Variants in RPS6KC1 observed in about 807,000 individuals in gnomAD.
RPS6KC1 encodes the protein ribosomal protein S6 kinase C1.
Under a neutral mutation model 103.8 loss-of-function variants are expected in RPS6KC1, and 54 were observed. The ratio of observed to expected loss-of-function variants is 0.52; its 90% CI spans 0.42 to 0.65. The LOEUF (loss-of-function observed/expected upper bound fraction) is 0.65, where lower values mean the gene tolerates loss of function less well. RPS6KC1 is among the 30% of genes least tolerant of loss of function. The pLI is 0.00. For missense variants in RPS6KC1, 1,151 were observed against 1,253.8 expected (o/e 0.92, Z 1.24); for synonymous variants, 439 against 438.7 (o/e 1.00, Z -0.01).
chr1:213,494,163 T>G, the RPS6KC1 span, among the ~76,000 whole-genome samples: 3 of 152,194 alleles, frequency 2.0e-5, no homozygotes, highest in South Asian at 4.2e-4. Context: ...GGGACTAGGT[T>G]GTCACACACT....
intron 3 of RPS6KC1, among the ~76,000 whole-genome samples, chr1:213,087,799 C>A (rs1427602206): frequency 6.6e-6 from 1 of 152,122 alleles, no homozygotes; most frequent in African/African-American, 2.4e-5. Context: ...TTCTGTGTAC[C>A]CGGAATTTGT....
At chr1:213,454,980 G>A in the RPS6KC1 span, among the ~76,000 whole-genome samples, 1 of 152,160 alleles carries the variant, frequency 6.6e-6, no homozygotes, top group Non-Finnish European at 1.5e-5. Context: ...GCAGTGCCTC[G>A]GAGTGCTTTT....
At chr1:213,162,354 C>T (rs1210123637) in intron 6 of RPS6KC1, among the ~76,000 whole-genome samples, 1 of 152,140 alleles carries the variant, frequency 6.6e-6, no homozygotes, top group African/African-American at 2.4e-5. Context: ...CATCACAGCT[C>T]ATTGCAGCCT....
intron 5 of RPS6KC1, among the ~76,000 whole-genome samples, chr1:213,122,697 T>G (rs1028935988): frequency 6.6e-5 from 10 of 152,164 alleles, no homozygotes; most frequent in Non-Finnish European, 4.4e-5. Flanking sequence ...TACTGGTATT[T>G]TTCTAGGCCC....
the RPS6KC1 span, among the ~76,000 whole-genome samples, chr1:213,494,910 C>A: frequency 6.7e-6 from 1 of 150,324 alleles, no homozygotes; most frequent in Non-Finnish European, 1.5e-5. Flanking sequence ...ATTTTAAAAT[C>A]CTTTAAAAAT....
the RPS6KC1 span, among the ~76,000 whole-genome samples, chr1:213,442,833 G>C: frequency 6.6e-6 from 1 of 152,108 alleles, no homozygotes; most frequent in African/African-American, 2.4e-5. Context: ...CTTGTCCCAT[G>C]GCCACATGTA....
At chr1:213,722,259 T>C in the RPS6KC1 span, among the ~76,000 whole-genome samples, 2 of 152,150 alleles carry the variant, frequency 1.3e-5, no homozygotes, top group Non-Finnish European at 2.9e-5. Context: ...ACTGGTCTTG[T>C]CATGTCTCAA....
chr1:213,604,231 C>T, the RPS6KC1 span, among the ~76,000 whole-genome samples: 1 of 152,334 alleles, frequency 6.6e-6, no homozygotes, highest in Admixed American at 6.5e-5. Context: ...CTACACCAAA[C>T]AGGAATTTCA....
the RPS6KC1 span, among the ~76,000 whole-genome samples, chr1:213,382,855 G>C: frequency 6.6e-6 from 1 of 152,240 alleles, no homozygotes; most frequent in Non-Finnish European, 1.5e-5. Context: ...CTAGCATGGG[G>C]CTTTGCCCCT....
At chr1:213,293,631 C>T in the RPS6KC1 span, among the ~76,000 whole-genome samples, 1 of 151,976 alleles carries the variant, frequency 6.6e-6, no homozygotes, top group Admixed American at 6.6e-5. Context: ...ATGACTGCAC[C>T]ACTGCATTCC....
the RPS6KC1 span, among the ~76,000 whole-genome samples, chr1:213,507,046 A>G: frequency 6.6e-6 from 1 of 152,146 alleles, no homozygotes; most frequent in African/African-American, 2.4e-5. Flanking sequence ...GACCAATGTG[A>G]ATGATTCTGT....
chr1:213,426,575 G>A, the RPS6KC1 span, among the ~76,000 whole-genome samples: 8 of 152,114 alleles, frequency 5.3e-5, no homozygotes, highest in Non-Finnish European at 7.4e-5. Context: ...CATATGGTTC[G>A]GCTACTAATG....
chr1:213,109,424 A>G (rs563149669), intron 4 of RPS6KC1, among the ~76,000 whole-genome samples: 2 of 152,308 alleles, frequency 1.3e-5, no homozygotes, highest in South Asian at 2.1e-4. Flanking sequence ...GGCATGAGCA[A>G]CCGTGCCCGG....
At chr1:213,375,244 CAT>C in the RPS6KC1 span, among the ~76,000 whole-genome samples, 99 of 152,142 alleles carry the variant, frequency 6.5e-4, no homozygotes, top group African/African-American at 2.3e-3. Flanking sequence ...CACATACACA[CAT>C]ATATACACAC....
At chr1:213,494,207 G>A in the RPS6KC1 span, among the ~76,000 whole-genome samples, 1 of 152,080 alleles carries the variant, frequency 6.6e-6, no homozygotes, top group Admixed American at 6.5e-5. Flanking sequence ...AATTCATCAT[G>A]TCTTTTGACA....
At chr1:213,508,049 C>T in the RPS6KC1 span, among the ~76,000 whole-genome samples, 35 of 152,168 alleles carry the variant, frequency 2.3e-4, no homozygotes, top group Non-Finnish European at 4.6e-4. Context: ...GGTACTTATA[C>T]CCCAGCCACT....
At chr1:213,513,597 T>A in the RPS6KC1 span, among the ~76,000 whole-genome samples, 14 of 152,278 alleles carry the variant, frequency 9.2e-5, no homozygotes, top group East Asian at 1.9e-3. Flanking sequence ...TTCTCAGGGA[T>A]TGATTGCATT....
the RPS6KC1 span, among the ~76,000 whole-genome samples, chr1:213,760,342 A>C: frequency 6.6e-6 from 1 of 152,244 alleles, no homozygotes; most frequent in East Asian, 1.9e-4. Context: ...TCCACAATGG[A>C]GTAATGGTTG....
the RPS6KC1 span, among the ~76,000 whole-genome samples, chr1:213,500,716 A>G: frequency 6.6e-6 from 1 of 152,204 alleles, no homozygotes; most frequent in Non-Finnish European, 1.5e-5. Flanking sequence ...ACTGTTATAT[A>G]TGTGATCCTT....
Sources: allele counts gnomAD v4.1 joint callset (sites outside exome capture counted in the v4.1 genomes callset), GRCh38; gene constraint gnomAD v4.1.1; transcripts MANE v1.5; gene names NCBI Gene and HGNC (gene_info 2026-07-23, HGNC 2026-07-21).